Variants in SLC44A5 observed in about 807,000 individuals in gnomAD.
SLC44A5 encodes the protein solute carrier family 44 member 5.
A neutral mutation model predicts 101.8 loss-of-function variants in SLC44A5; 57 were observed. The ratio of observed to expected loss-of-function variants is 0.56; its 90% CI spans 0.45 to 0.70. The LOEUF (loss-of-function observed/expected upper bound fraction) is 0.70. Ranked by LOEUF, SLC44A5 falls within the 30% of genes least tolerant of loss-of-function variation. The pLI is 0.00. For missense variants in SLC44A5, 737 were observed against 853.1 expected, an observed-to-expected ratio of 0.86 and a Z score of 1.70; for synonymous variants, 281 against 290.9, an observed-to-expected ratio of 0.97 and a Z score of 0.35.
At chr1:75,270,515 A>C (rs1371189901) in intron 6 of SLC44A5, among the ~76,000 whole-genome samples, 1 of 152,154 alleles carries the variant, frequency 6.6e-6, no homozygotes, top group Non-Finnish European at 1.5e-5. Context: ...TCTATATACA[A>C]AAATAAATTT....
chr1:75,677,976 T>G, the SLC44A5 span: 1 of 185,754 alleles, frequency 5.4e-6, no homozygotes, highest in Non-Finnish European at 1.1e-5. Context: ...GGGAGTTCCC[T>G]TTCCTAATCA....
chr1:75,476,418 G>A (rs1449478733), intron 2 of SLC44A5, among the ~76,000 whole-genome samples: 3 of 152,070 alleles, frequency 2.0e-5, no homozygotes, highest in Admixed American at 6.5e-5. Flanking sequence ...TGGGTGCAGC[G>A]CACCGTGCAC....
chr1:75,702,858 C>CA, the SLC44A5 span, among the ~76,000 whole-genome samples: 3 of 152,170 alleles, frequency 2.0e-5, no homozygotes, highest in Non-Finnish European at 4.4e-5. Flanking sequence ...AGGATATGAA[C>CA]AGACACCTCT....
At chr1:75,372,468 G>A (rs1235676791) in intron 3 of SLC44A5, among the ~76,000 whole-genome samples, 1 of 152,036 alleles carries the variant, frequency 6.6e-6, no homozygotes, top group East Asian at 1.9e-4. Flanking sequence ...CTTTACCCAA[G>A]CAAAACAAGA....
At chr1:75,221,957 C>CTTTTTT (rs199560766) in intron 14 of SLC44A5, among the ~76,000 whole-genome samples, 1 of 126,868 alleles carries the variant, frequency 7.9e-6, no homozygotes, top group Non-Finnish European at 1.6e-5. Context: ...AAGTCTTCTT[C>CTTTTTT]TTCTTTTTTT....
intron 2 of SLC44A5, among the ~76,000 whole-genome samples, chr1:75,410,483 A>G (rs953293388): frequency 6.6e-6 from 1 of 152,144 alleles, no homozygotes; most frequent in African/African-American, 2.4e-5. Context: ...TATCAACTCA[A>G]GTGAAGTCAT....
intron 17 of SLC44A5, 42 bp from the exon 18 acceptor site, chr1:75,218,002 A>C (rs1002001629): frequency 7.8e-7 from 1 of 1,274,290 alleles, no homozygotes; most frequent in Non-Finnish European, 1.1e-6. Flanking sequence ...ACTTAATACT[A>C]TTATTTAAGG....
chr1:75,575,993 AGAAATGTAGTAGCCAAAAT>A (rs1673338782), intron 1 of SLC44A5, among the ~76,000 whole-genome samples: 2 of 152,128 alleles, frequency 1.3e-5, no homozygotes, highest in Admixed American at 1.3e-4. Flanking sequence ...AAACAGCACC[AGAAATGTAGTAGCCAAAAT>A]GAGAACGGTT....
At chr1:75,377,029 T>A (rs1433075887) in intron 3 of SLC44A5, among the ~76,000 whole-genome samples, 3 of 152,148 alleles carry the variant, frequency 2.0e-5, no homozygotes, top group Admixed American at 6.5e-5. Context: ...ACGTGAAGAA[T>A]GAAGAAGCCT....
intron 23 of SLC44A5, among the ~76,000 whole-genome samples, chr1:75,210,718 T>A (rs1646836479): frequency 6.6e-6 from 1 of 152,128 alleles, no homozygotes. Flanking sequence ...AATCAAGAAA[T>A]GAACAAAATA....
chr1:75,533,996 G>T (rs1201235841), intron 2 of SLC44A5, among the ~76,000 whole-genome samples: 1 of 152,160 alleles, frequency 6.6e-6, no homozygotes, highest in African/African-American at 2.4e-5. Context: ...CCAAGAAGTT[G>T]TCAAGTTCAG....
intron 6 of SLC44A5, among the ~76,000 whole-genome samples, chr1:75,269,173 T>C (rs1021986893): frequency 6.6e-6 from 1 of 152,064 alleles, no homozygotes; most frequent in Non-Finnish European, 1.5e-5. Context: ...TTTGCAATTC[T>C]TTTTTTAACT....
chr1:75,721,961 A>G, the SLC44A5 span, among the ~76,000 whole-genome samples: 1 of 152,226 alleles, frequency 6.6e-6, no homozygotes, highest in Non-Finnish European at 1.5e-5. Context: ...TGGACCTTAA[A>G]TAATAGTAGC....
intron 5 of SLC44A5, among the ~76,000 whole-genome samples, chr1:75,285,899 A>G (rs1263564336): frequency 3.3e-5 from 5 of 152,064 alleles, no homozygotes; most frequent in Non-Finnish European, 5.9e-5. Context: ...CGTATGGTCT[A>G]TCTTGGAGAA....
chr1:75,222,023 G>A (rs141912166), intron 14 of SLC44A5, among the ~76,000 whole-genome samples: 1,855 of 148,222 alleles, frequency 0.013, 50 homozygotes, highest in African/African-American at 0.044. Flanking sequence ...GCAATGTCAC[G>A]ATCTCAGCTC....
At chr1:75,323,395 T>C (rs1049230056) in intron 4 of SLC44A5, among the ~76,000 whole-genome samples, 1 of 151,640 alleles carries the variant, frequency 6.6e-6, no homozygotes, top group Non-Finnish European at 1.5e-5. Context: ...AATGCCGCAA[T>C]AAACATACGT....
intron 1 of SLC44A5, among the ~76,000 whole-genome samples, chr1:75,551,507 G>A (rs1671935812): frequency 1.3e-5 from 2 of 152,124 alleles, no homozygotes; most frequent in Admixed American, 1.3e-4. Flanking sequence ...GCTGACAGGA[G>A]TATTCCAGTC....
chr1:75,646,248 T>G, the SLC44A5 span, among the ~76,000 whole-genome samples: 2 of 137,846 alleles, frequency 1.5e-5, no homozygotes, highest in African/African-American at 4.9e-5. Context: ...ACGAAATTGA[T>G]TCTTCCTATC....
intron 2 of SLC44A5, among the ~76,000 whole-genome samples, chr1:75,429,470 G>A (rs1664489225): frequency 6.6e-6 from 1 of 152,200 alleles, no homozygotes; most frequent in African/African-American, 2.4e-5. Flanking sequence ...GCAAGTGAGG[G>A]CTATGATGTC....
Sources: allele counts gnomAD v4.1 joint callset (sites outside exome capture counted in the v4.1 genomes callset), GRCh38; gene constraint gnomAD v4.1.1; transcripts MANE v1.5; gene names NCBI Gene and HGNC (gene_info 2026-07-23, HGNC 2026-07-21).